The following NTNG1 variants were observed in gnomAD, a reference collection of about 807,000 sequenced individuals.
The protein encoded by NTNG1 is netrin-G1.
A neutral mutation model predicts 54.0 loss-of-function variants in NTNG1; 16 were observed. That is an observed-to-expected ratio of 0.30 (90% CI 0.20 to 0.45). The LOEUF (loss-of-function observed/expected upper bound fraction) is 0.45, where lower values mean the gene tolerates loss of function less well. Among genes scored for constraint, NTNG1 ranks in the 20% least tolerant of loss-of-function variants. The pLI is 1.00. For missense variants in NTNG1, 530 were observed against 678.7 expected, an observed-to-expected ratio of 0.78 and a Z score of 2.43; for synonymous variants, 255 against 263.1, an observed-to-expected ratio of 0.97 and a Z score of 0.30.
Position 107,483,997 on chromosome 1 carries a change from C to T in NTNG1, c.*3157C>T, listed in dbSNP as rs970716833. ...CATTCTGACTCTCCTCCAGCTTTCT[C>T]CCAGATATCAGGAACCTAGAGTTTC... On this transcript the variant is annotated 3_prime_UTR_variant, in exon 8 of 8. Coordinates refer to ENST00000370068, the MANE Select transcript of NTNG1 (RefSeq NM_001113226.3). Among the ~76,000 whole-genome samples, 4 of 152,166 alleles carry T rather than the reference C, an allele frequency of 2.6e-5. No individual in the cohort carries two copies. The highest frequency in any genetic ancestry group is 5.9e-5 in the Non-Finnish European group (4 of 68,038).
intron 7 of NTNG1, among the ~76,000 whole-genome samples, chr1:107,478,879 A>T (rs1279751266): frequency 6.6e-6 from 1 of 152,264 alleles, no homozygotes; most frequent in Admixed American, 6.5e-5. Flanking sequence ...CATGAGGCTA[A>T]CCACCCTACA....
chr1:107,178,342 A>G (rs1256887680), intron 2 of NTNG1, among the ~76,000 whole-genome samples: 1 of 152,136 alleles, frequency 6.6e-6, no homozygotes, highest in Non-Finnish European at 1.5e-5. Flanking sequence ...GCCATCTTTT[A>G]CAAGTAACTC....
At chr1:107,271,776 T>C (rs1664160744) in intron 2 of NTNG1, among the ~76,000 whole-genome samples, 1 of 152,128 alleles carries the variant, frequency 6.6e-6, no homozygotes, top group South Asian at 2.1e-4. Context: ...GACAAGAATA[T>C]AAGATATAGA....
At chr1:107,157,534 T>C (rs1001786116) in intron 2 of NTNG1, among the ~76,000 whole-genome samples, 6 of 152,228 alleles carry the variant, frequency 3.9e-5, no homozygotes, top group African/African-American at 1.4e-4. Flanking sequence ...AATGAGGATA[T>C]GGAGTTTAAC....
At chr1:107,298,561 G>T (rs1666123270) in intron 2 of NTNG1, among the ~76,000 whole-genome samples, 1 of 152,054 alleles carries the variant, frequency 6.6e-6, no homozygotes, top group Non-Finnish European at 1.5e-5. Flanking sequence ...CAAGAAAAGG[G>T]TCTTACATCT....
intron 7 of NTNG1, among the ~76,000 whole-genome samples, chr1:107,448,074 C>A (rs1676410061): frequency 6.6e-6 from 1 of 152,060 alleles, no homozygotes; most frequent in South Asian, 2.1e-4. Flanking sequence ...TCTAACAGTA[C>A]CTTCCTCTTG....
At chr1:107,205,293 G>T (rs557779858) in intron 2 of NTNG1, among the ~76,000 whole-genome samples, 1 of 151,856 alleles carries the variant, frequency 6.6e-6, no homozygotes, top group East Asian at 1.9e-4. Context: ...TCTTGGATAT[G>T]CCTGTCTCCC....
At chr1:107,258,288 G>GAA (rs1491390280) in intron 2 of NTNG1, among the ~76,000 whole-genome samples, 9 of 147,258 alleles carry the variant, frequency 6.1e-5, no homozygotes, top group African/African-American at 1.7e-4. Context: ...AGTGGTTGAG[G>GAA]AAAAAAAAAA....
chr1:107,452,915 C>T (rs1415745465), intron 7 of NTNG1, among the ~76,000 whole-genome samples: 1 of 152,092 alleles, frequency 6.6e-6, no homozygotes, highest in Admixed American at 6.6e-5. Context: ...ATTGAAAGTC[C>T]ATCCTTTACT....
At chr1:107,454,911 C>T (rs1194575229) in intron 7 of NTNG1, among the ~76,000 whole-genome samples, 1 of 152,222 alleles carries the variant, frequency 6.6e-6, no homozygotes, top group Admixed American at 6.5e-5. Context: ...TCAAACCCAG[C>T]TCTCTTCCTC....
Position 107,439,740 on chromosome 1 carries a change from G to A in NTNG1, c.1390+2941G>A, listed in dbSNP as rs117321964. 3.4e-4 allele frequency among the ~76,000 whole-genome samples: 52 copies of A among 152,096 alleles called. No homozygotes were observed. The East Asian group carries it at 8.6e-3, about 25-fold the overall frequency. The stretch of plus-strand genomic sequence containing the variant: ...CCAAGATCCTGAAGTGCCTTCCCCT[G>A]GGATCTCTTGGGCTGTCACCAAGGA... On this transcript the variant is annotated intron_variant, in intron 7 of 7. Coordinates refer to ENST00000370068, the MANE Select transcript of NTNG1 (RefSeq NM_001113226.3).
intron 7 of NTNG1, among the ~76,000 whole-genome samples, chr1:107,471,959 CCACAT>C (rs1392695441): frequency 6.6e-6 from 1 of 152,076 alleles, no homozygotes; most frequent in Non-Finnish European, 1.5e-5. Context: ...TAGAGCACCT[CCACAT>C]AATTCATCTT....
intron 7 of NTNG1, chr1:107,460,425 G>A (rs1314448617): frequency 1.9e-6 from 1 of 518,572 alleles, no homozygotes; most frequent in East Asian, 5.5e-5. Context: ...TTTACACTTT[G>A]GGAAAACTTT....
At chr1:107,359,620 AC>A (rs1238906759) in intron 3 of NTNG1, among the ~76,000 whole-genome samples, 1 of 151,474 alleles carries the variant, frequency 6.6e-6, no homozygotes, top group African/African-American at 2.4e-5. Context: ...AAGCTCCCCC[AC>A]CCCCAACACA....
At chr1:107,144,753 A>G (rs1051624222) in intron 1 of NTNG1, among the ~76,000 whole-genome samples, 2 of 152,034 alleles carry the variant, frequency 1.3e-5, no homozygotes, top group Non-Finnish European at 2.9e-5. Context: ...GAGGGCCATG[A>G]CTTAATTTTA....
At chr1:107,215,215 C>T (rs1328719117) in intron 2 of NTNG1, among the ~76,000 whole-genome samples, 4 of 152,136 alleles carry the variant, frequency 2.6e-5, no homozygotes, top group East Asian at 1.9e-4. Context: ...GAGCCAATGT[C>T]GAGAAGTGTT....
At chr1:107,303,936 T>C (rs2101812450) in intron 2 of NTNG1, among the ~76,000 whole-genome samples, 1 of 152,044 alleles carries the variant, frequency 6.6e-6, no homozygotes, top group African/African-American at 2.4e-5. Flanking sequence ...CCGCCCGCCT[T>C]GGCCTCCAGA....
At chr1:107,185,847 T>C (rs985440388) in intron 2 of NTNG1, among the ~76,000 whole-genome samples, 1 of 142,264 alleles carries the variant, frequency 7.0e-6, no homozygotes, top group Non-Finnish European at 1.5e-5. Context: ...CACATCCTTA[T>C]CCAGTCTGCG....
chr1:107,417,229 A>T (rs891403145), intron 5 of NTNG1, among the ~76,000 whole-genome samples: 2 of 152,128 alleles, frequency 1.3e-5, no homozygotes, highest in Non-Finnish European at 1.5e-5. Context: ...TTCTTCATTC[A>T]TAAATTTTCA....
Sources: allele counts gnomAD v4.1 joint callset (sites outside exome capture counted in the v4.1 genomes callset), GRCh38; gene constraint gnomAD v4.1.1; transcripts MANE v1.5; gene names NCBI Gene and HGNC (gene_info 2026-07-23, HGNC 2026-07-21).